PDE4B: variants seen among roughly 807,000 people sequenced by gnomAD.
The protein encoded by PDE4B is phosphodiesterase 4B.
A neutral mutation model predicts 82.2 loss-of-function variants in PDE4B; 20 were observed. The ratio of observed to expected loss-of-function variants is 0.24; its 90% CI spans 0.17 to 0.35. The LOEUF (loss-of-function observed/expected upper bound fraction) is 0.35. Ranked by LOEUF, PDE4B falls within the 10% of genes least tolerant of loss-of-function variation. The pLI, the probability that PDE4B is intolerant of heterozygous loss-of-function variation, is 1.00. For missense variants in PDE4B, 655 were observed against 907.2 expected (o/e 0.72, Z 3.57); for synonymous variants, 320 against 318.9 (o/e 1.00, Z -0.04).
At chr1:66,196,193 G>A (rs185855187) in intron 3 of PDE4B, among the ~76,000 whole-genome samples, 1 of 152,212 alleles carries the variant, frequency 6.6e-6, no homozygotes, top group African/African-American at 2.4e-5. Context: ...AGGGCAAATA[G>A]CATAGGAAGG....
chr1:66,087,532 C>T (rs1657067515), intron 3 of PDE4B, among the ~76,000 whole-genome samples: 3 of 151,998 alleles, frequency 2.0e-5, no homozygotes, highest in African/African-American at 7.2e-5. Context: ...GCTTTTGTTG[C>T]CATTGCTTTT....
intron 1 of PDE4B, among the ~76,000 whole-genome samples, chr1:65,850,185 C>T (rs1191414175): frequency 6.7e-6 from 1 of 149,698 alleles, no homozygotes; most frequent in Non-Finnish European, 1.5e-5. Flanking sequence ...CAACCTCTGC[C>T]TCTCAGGTTC....
chr1:66,132,260 C>G (rs1645964787), intron 3 of PDE4B, among the ~76,000 whole-genome samples: 1 of 152,156 alleles, frequency 6.6e-6, no homozygotes, highest in Non-Finnish European at 1.5e-5. Context: ...TTGGAGAGCA[C>G]TACAGTATAG....
intron 3 of PDE4B, among the ~76,000 whole-genome samples, chr1:66,175,031 C>T (rs973471749): frequency 3.9e-5 from 6 of 152,096 alleles, no homozygotes; most frequent in African/African-American, 1.4e-4. Context: ...CATGGAGGAA[C>T]CTGCCCCTAT....
chr1:66,333,540 T>A (rs1318164866), intron 8 of PDE4B, among the ~76,000 whole-genome samples: 5 of 152,120 alleles, frequency 3.3e-5, no homozygotes, highest in African/African-American at 1.2e-4. Flanking sequence ...CATTTCAGAG[T>A]CCCAGTCATT....
At chr1:66,339,850 GTTT>G (rs10579358) in intron 8 of PDE4B, among the ~76,000 whole-genome samples, 21 of 142,952 alleles carry the variant, frequency 1.5e-4, no homozygotes, top group South Asian at 2.2e-4. Context: ...TTTTTTTGTT[GTTT>G]TTTTTTTTTT....
At chr1:66,076,518 T>C (rs1393562062) in intron 3 of PDE4B, among the ~76,000 whole-genome samples, 1 of 152,170 alleles carries the variant, frequency 6.6e-6, no homozygotes, top group Non-Finnish European at 1.5e-5. Context: ...CAGTTTATTT[T>C]CCTTTGGGTA....
chr1:66,131,291 G>A (rs1483907901), intron 3 of PDE4B, among the ~76,000 whole-genome samples: 2 of 151,802 alleles, frequency 1.3e-5, no homozygotes, highest in Non-Finnish European at 2.9e-5. Context: ...TTTTTATATG[G>A]GGGCTTTGCT....
intron 3 of PDE4B, among the ~76,000 whole-genome samples, chr1:66,020,026 T>C (rs1223555182): frequency 2.0e-5 from 3 of 152,192 alleles, no homozygotes; most frequent in Admixed American, 6.5e-5. Flanking sequence ...TACATAGAAG[T>C]CAAAGAAAAA....
chr1:66,194,733 C>A (rs1464312122), intron 3 of PDE4B, among the ~76,000 whole-genome samples: 1 of 151,918 alleles, frequency 6.6e-6, no homozygotes, highest in Non-Finnish European at 1.5e-5. Context: ...AAGGTGAGTT[C>A]CTTGAGGACA....
At chr1:65,980,180 C>A (rs1430259836) in intron 3 of PDE4B, among the ~76,000 whole-genome samples, 2 of 152,096 alleles carry the variant, frequency 1.3e-5, no homozygotes, top group African/African-American at 4.8e-5. Context: ...CATTTGAAAA[C>A]ACGACATTAT....
rs1327355405 is a variant in PDE4B at position 66,020,639 on chromosome 1, A to G, written c.281+101804A>G. Among the ~76,000 whole-genome samples the G allele has an allele frequency of 3.3e-5, 5 of 152,296 alleles. No homozygotes were observed. In the East Asian group the frequency reaches 9.6e-4, roughly 29 times the overall value. The stretch of plus-strand genomic sequence containing the variant: ...CTTCATCCATGTCCCTACAAAGGAG[A>G]TGAACTCATCCTTTTTTATGGCTGC... On this transcript the variant is annotated intron_variant, in intron 3 of 16. Transcript: ENST00000341517.
intron 3 of PDE4B, among the ~76,000 whole-genome samples, chr1:66,010,751 C>T (rs1652437574): frequency 6.8e-6 from 1 of 148,114 alleles, no homozygotes; most frequent in African/African-American, 2.5e-5. Flanking sequence ...CTCATCATCC[C>T]CACGAAGATT....
At chr1:65,956,152 C>G (rs1265094522) in intron 3 of PDE4B, among the ~76,000 whole-genome samples, 1 of 152,088 alleles carries the variant, frequency 6.6e-6, no homozygotes, top group African/African-American at 2.4e-5. Context: ...GAAGCAGTAA[C>G]CTATAAATGG....
At chr1:66,150,604 G>T (rs756536743) in intron 3 of PDE4B, among the ~76,000 whole-genome samples, 4 of 152,112 alleles carry the variant, frequency 2.6e-5, no homozygotes, top group African/African-American at 9.7e-5. Flanking sequence ...AGACAGCCTC[G>T]TTTTGTCCCT....
intron 3 of PDE4B, among the ~76,000 whole-genome samples, chr1:66,084,987 T>C (rs2100972840): frequency 6.6e-6 from 1 of 152,256 alleles, no homozygotes; most frequent in East Asian, 1.9e-4. Flanking sequence ...CTTGATGGAC[T>C]TAGGGATGTG....
chr1:65,885,583 C>T (rs571853844), intron 1 of PDE4B, among the ~76,000 whole-genome samples: 237 of 151,926 alleles, frequency 1.6e-3, no homozygotes, highest in African/African-American at 4.7e-3. Flanking sequence ...AAGCCGGAAA[C>T]GATCATTCTC....
chr1:66,044,558 A>G (rs1654581970), intron 3 of PDE4B, among the ~76,000 whole-genome samples: 1 of 151,766 alleles, frequency 6.6e-6, no homozygotes, highest in Admixed American at 6.6e-5. Context: ...TGTTTAAAAC[A>G]TTGGCTATAT....
At chr1:66,235,993 C>T (rs981279066) in intron 3 of PDE4B, among the ~76,000 whole-genome samples, 2 of 152,158 alleles carry the variant, frequency 1.3e-5, no homozygotes, top group Non-Finnish European at 2.9e-5. Flanking sequence ...TGGCTGAGCT[C>T]AGCTATTTGT....
Sources: allele counts gnomAD v4.1 joint callset (sites outside exome capture counted in the v4.1 genomes callset), GRCh38; gene constraint gnomAD v4.1.1; transcripts MANE v1.5; gene names NCBI Gene and HGNC (gene_info 2026-07-23, HGNC 2026-07-21).